The following ECH1 variants were observed in gnomAD, a reference collection of about 807,000 sequenced individuals.
The protein encoded by ECH1 is delta(3,5)-Delta(2,4)-dienoyl-CoA isomerase, mitochondrial.
A neutral mutation model predicts 37.0 loss-of-function variants in ECH1; 30 were observed. The ratio of observed to expected loss-of-function variants is 0.81; its 90% CI spans 0.61 to 1.10. The LOEUF is 1.10. Ranked by LOEUF, ECH1 falls within the 50% of genes least tolerant of loss-of-function variation. The pLI, the probability that ECH1 is intolerant of heterozygous loss-of-function variation, is 0.00. For synonymous variants in ECH1, 178 were observed against 176.0 expected (o/e 1.01, Z -0.09); for missense variants, 456 against 441.6 (o/e 1.03, Z -0.29).
At chr19:38,829,701 C>T (rs1039011691) in intron 3 of ECH1, among the ~76,000 whole-genome samples, 2 of 147,054 alleles carry the variant, frequency 1.4e-5, no homozygotes, top group Admixed American at 6.9e-5. Flanking sequence ...CTGGTGGTCC[C>T]AGTACTCGGG....
chr19:38,822,050 G>C (rs530017323), intron 3 of ECH1, among the ~76,000 whole-genome samples: 1 of 152,174 alleles, frequency 6.6e-6, no homozygotes, highest in Admixed American at 6.5e-5. Context: ...GTCTAGCTAA[G>C]GGATTGTAAA....
At chr19:38,820,221 C>CT (rs1971643052) in intron 3 of ECH1, 1 of 152,684 alleles carries the variant, frequency 6.5e-6, no homozygotes, top group Non-Finnish European at 1.5e-5. Context: ...CCACCATGCC[C>CT]GGCTAATTTT....
intron 3 of ECH1, among the ~76,000 whole-genome samples, chr19:38,818,949 G>T (rs1241895132): frequency 7.5e-6 from 1 of 133,328 alleles, no homozygotes; most frequent in African/African-American, 2.7e-5. Context: ...TTCCCAACCT[G>T]TTACTTTGGG....
intron 3 of ECH1, among the ~76,000 whole-genome samples, chr19:38,824,780 C>T (rs1220474731): frequency 1.3e-5 from 2 of 152,206 alleles, no homozygotes; most frequent in Non-Finnish European, 2.9e-5. Context: ...ATATCCTAGC[C>T]TCCCTATAGC....
At chr19:38,821,297 G>C (rs1004389636) in intron 3 of ECH1, among the ~76,000 whole-genome samples, 7 of 152,144 alleles carry the variant, frequency 4.6e-5, no homozygotes, top group African/African-American at 1.7e-4. Context: ...GACAGAGGGA[G>C]ACCCTGTCTC....
At chr19:38,823,633 G>A (rs2145379687) in intron 3 of ECH1, among the ~76,000 whole-genome samples, 1 of 152,262 alleles carries the variant, frequency 6.6e-6, no homozygotes, top group East Asian at 1.9e-4. Context: ...TCTGGGCTGA[G>A]CCGAGGGTCG....
intron 6 of ECH1, 129 bp from the exon 7 acceptor site, chr19:38,816,652 G>C: frequency 8.6e-7 from 1 of 1,158,260 alleles, no homozygotes; most frequent in Non-Finnish European, 1.3e-6. Flanking sequence ...TTCCTCCAAA[G>C]TCCCATTCCA....
Position 38,831,786 on chromosome 19 carries a change from G to C in ECH1, c.-14C>G, listed in dbSNP as rs376800152. 1.9e-5 allele frequency: 31 copies of C among 1,612,620 alleles called. No homozygotes were observed. In the African/African-American group the frequency reaches 3.2e-4, roughly 17 times the overall value. On this transcript the variant is annotated 5_prime_UTR_variant, in exon 1 of 10. Coordinates refer to ENST00000221418, the MANE Select transcript of ECH1 (RefSeq NM_001398.3). The stretch of plus-strand genomic sequence containing the variant: ...CCCCGCCGCCATCGCCGCCGCCTTC[G>C]TCTACTGCGTTCGGACGGAGTAACG...
intron 3 of ECH1, chr19:38,819,151 GA>G (rs904347010): frequency 2.0e-6 from 2 of 985,296 alleles, no homozygotes; most frequent in African/African-American, 3.5e-5. Flanking sequence ...ACAGAGAGGT[GA>G]AAAGACAAGT....
intron 3 of ECH1, among the ~76,000 whole-genome samples, chr19:38,821,600 G>A (rs775123243): frequency 3.3e-5 from 5 of 152,322 alleles, no homozygotes; most frequent in South Asian, 4.1e-4. Context: ...GTGGTGGGCC[G>A]GCGCCACCTG....
intron 3 of ECH1, chr19:38,818,128 G>A (rs56190226): frequency 0.022 from 16,773 of 765,750 alleles, 225 homozygotes; most frequent in Non-Finnish European, 0.024. Flanking sequence ...AAAGCACTGG[G>A]ATTACACGTG....
chr19:38,821,690 G>A (rs961521271), intron 3 of ECH1, among the ~76,000 whole-genome samples: 1 of 152,216 alleles, frequency 6.6e-6, no homozygotes, highest in Non-Finnish European at 1.5e-5. Flanking sequence ...CCGGCCCGCT[G>A]GTGCTGCACT....
intron 2 of ECH1, 57 bp from the exon 3 acceptor site, chr19:38,831,223 C>G: frequency 6.2e-7 from 1 of 1,610,994 alleles, no homozygotes; most frequent in Non-Finnish European, 8.5e-7. Flanking sequence ...GCCCTCATGT[C>G]CATCTTCCCA....
chr19:38,817,547 G>A lies in ECH1; in HGVS notation c.378C>T (p.Asp126=). 6.2e-7 allele frequency: 1 copy of A among 1,610,170 alleles called. No individual in the cohort carries two copies. Among genetic ancestry groups the A allele is most frequent in the Non-Finnish European group, 8.5e-7 (1 of 1,176,804 alleles). ...AGIDLMDMAS[D]ILQPKGDDVA... is the part of the protein sequence containing the mutation. ...CATCATCTCCTTTGGGCTGCAGGAT[G>A]TCCGAAGCCATGTCCATCAGGTCAA... Residue 126 remains aspartate, a synonymous_variant, in exon 4 of 10, where the codon GAC becomes GAT. Coordinates refer to ENST00000221418, the MANE Select transcript of ECH1 (RefSeq NM_001398.3).
chr19:38,827,259 GTCAAGACTGGGTTC>G (rs1366773418), intron 3 of ECH1, among the ~76,000 whole-genome samples: 1 of 152,222 alleles, frequency 6.6e-6, no homozygotes, highest in Non-Finnish European at 1.5e-5. Flanking sequence ...GACTGTCCTA[GTCAAGACTGGGTTC>G]CCAGCACCAG....
intron 3 of ECH1, among the ~76,000 whole-genome samples, chr19:38,821,776 C>T (rs1163268494): frequency 2.6e-5 from 4 of 152,150 alleles, no homozygotes; most frequent in African/African-American, 9.7e-5. Flanking sequence ...CCCGAGCCTC[C>T]CCCCGCCGCC....
intron 3 of ECH1, chr19:38,819,195 G>A (rs900937046): frequency 3.0e-6 from 3 of 985,300 alleles, no homozygotes; most frequent in Non-Finnish European, 2.4e-6. Flanking sequence ...CCTGAGGGCT[G>A]TGCAGTGGTA....
At chr19:38,826,405 C>T (rs1332234477) in intron 3 of ECH1, among the ~76,000 whole-genome samples, 2 of 152,162 alleles carry the variant, frequency 1.3e-5, no homozygotes, top group Non-Finnish European at 1.5e-5. Context: ...AGCTCATAAA[C>T]GATTACAGAA....
chr19:38,830,909 T>A (rs1215395029), intron 3 of ECH1, 169 bp downstream of exon 3: 1 of 619,134 alleles, frequency 1.6e-6, no homozygotes, highest in Admixed American at 2.9e-5. Context: ...TGAGCTGAGA[T>A]TGCGCTACTG....
Sources: allele counts gnomAD v4.1 joint callset (sites outside exome capture counted in the v4.1 genomes callset), GRCh38; gene constraint gnomAD v4.1.1; transcripts MANE v1.5; gene names NCBI Gene and HGNC (gene_info 2026-07-23, HGNC 2026-07-21).